FLT1: variants seen among roughly 807,000 people sequenced by gnomAD.
FLT1 encodes the protein fms related receptor tyrosine kinase 1.
A neutral mutation model predicts 156.3 loss-of-function variants in FLT1; 49 were observed. That is an observed-to-expected ratio of 0.31 (90% confidence interval 0.25 to 0.40). The LOEUF is 0.40. Ranked by LOEUF, FLT1 falls within the 10% of genes least tolerant of loss-of-function variation. FLT1 has a pLI of 1.00. For missense variants in FLT1, 1,322 were observed against 1,637.2 expected, an observed-to-expected ratio of 0.81 and a Z score of 3.32; for synonymous variants, 594 against 583.8, an observed-to-expected ratio of 1.02 and a Z score of -0.25.
chr13:28,467,901 G>T (rs1457450305), intron 1 of FLT1, among the ~76,000 whole-genome samples: 1 of 151,982 alleles, frequency 6.6e-6, no homozygotes, highest in African/African-American at 2.4e-5. Context: ...GATTCATATA[G>T]GTTCAATGAA....
intron 1 of FLT1, among the ~76,000 whole-genome samples, chr13:28,470,517 AAAG>A (rs1734320473): frequency 6.6e-6 from 1 of 152,146 alleles, no homozygotes; most frequent in South Asian, 2.1e-4. Context: ...CCGTCCAGGA[AAAG>A]AAGCAGTTCC....
In FLT1 at chr13:28,325,816, C is replaced by CAAAA. The variant is rs377427677; in HGVS notation, c.2796+1642_2796+1645dup. Among the ~76,000 whole-genome samples, 132 of 70,590 alleles carry CAAAA rather than the reference C, an allele frequency of 1.9e-3. 1 individual carries two copies. Among genetic ancestry groups the CAAAA allele is most frequent in the East Asian group, 4.1e-3 (8 of 1,944 alleles). 46.3% of individuals were successfully genotyped at this position (70,590 alleles called of 152,430 possible). A position where few individuals can be genotyped will look rare whatever the true frequency, so the allele number is the denominator to read the frequency against. Reference sequence around the variant, plus strand: ...ACTGACAGAGAGAGAAACTCTGTCTCAAAAAAAAAAAAAAAAAAAAAAGGT... The same window carrying CAAAA: ...ACTGACAGAGAGAGAAACTCTGTCTCAAAAAAAAAAAAAAAAAAAAAAAAAAGGT... On this transcript the variant is annotated intron_variant, in intron 20 of 29. Coordinates refer to ENST00000282397, the MANE Select transcript of FLT1 (RefSeq NM_002019.4).
chr13:28,417,461 G>A (rs568231758), intron 10 of FLT1, among the ~76,000 whole-genome samples: 12 of 152,120 alleles, frequency 7.9e-5, no homozygotes, highest in Admixed American at 2.6e-4. Flanking sequence ...TGGTCGGCTC[G>A]TTTGGCCAGA....
intron 14 of FLT1, chr13:28,368,702 GC>G: frequency 1.5e-6 from 1 of 660,262 alleles, no homozygotes; most frequent in Non-Finnish European, 2.6e-6. Flanking sequence ...TAGATTGGCA[GC>G]TTTTTTTTTT....
chr13:28,385,473 G>A (rs1407422820), intron 13 of FLT1: 5 of 1,003,802 alleles, frequency 5.0e-6, no homozygotes, highest in Non-Finnish European at 6.0e-6. Context: ...TTTGATTGAT[G>A]TATTTGTGGG....
intron 14 of FLT1, among the ~76,000 whole-genome samples, chr13:28,370,468 A>C (rs1012828221): frequency 6.6e-6 from 1 of 152,214 alleles, no homozygotes; most frequent in African/African-American, 2.4e-5. Context: ...AAGTATAATA[A>C]AAAAATGGAG....
chr13:28,395,731 T>C (rs1356284591), intron 12 of FLT1, among the ~76,000 whole-genome samples: 1 of 152,226 alleles, frequency 6.6e-6, no homozygotes, highest in Non-Finnish European at 1.5e-5. Flanking sequence ...CTAGGATATA[T>C]GTAATTTGAC....
chr13:28,387,002 G>A, intron 13 of FLT1: 1 of 1,040,006 alleles, frequency 9.6e-7, no homozygotes, highest in Non-Finnish European at 1.2e-6. Context: ...TGTTTTTCTA[G>A]CTACAAAGTA....
At chr13:28,307,579 T>G (rs762054934) in intron 28 of FLT1, among the ~76,000 whole-genome samples, 12 of 152,192 alleles carry the variant, frequency 7.9e-5, no homozygotes, top group Non-Finnish European at 8.8e-5. Context: ...CTTCAGCTTA[T>G]TTTTGATGCT....
chr13:28,315,451 T>C (rs1170383709), intron 25 of FLT1, among the ~76,000 whole-genome samples: 3 of 151,962 alleles, frequency 2.0e-5, no homozygotes, highest in Non-Finnish European at 4.4e-5. Flanking sequence ...AGCAACTCAG[T>C]AGGCTGAGGA....
At chr13:28,346,839 T>C (rs923934419) in intron 15 of FLT1, among the ~76,000 whole-genome samples, 9 of 150,038 alleles carry the variant, frequency 6.0e-5, no homozygotes, top group African/African-American at 2.3e-4. Flanking sequence ...TGAGCACTTA[T>C]TATATTCTAA....
intron 27 of FLT1, among the ~76,000 whole-genome samples, chr13:28,310,587 CCTAA>C (rs563479063): frequency 1.4e-4 from 22 of 152,306 alleles, no homozygotes; most frequent in African/African-American, 4.3e-4. Context: ...TTCGTGCACG[CCTAA>C]CTATCAGTCC....
intron 25 of FLT1, among the ~76,000 whole-genome samples, chr13:28,315,567 CA>C (rs1173164904): frequency 2.0e-5 from 3 of 151,914 alleles, no homozygotes; most frequent in African/African-American, 7.3e-5. Context: ...AAAAAACAAA[CA>C]AAAAAACCCA....
intron 14 of FLT1, chr13:28,368,615 G>C: frequency 7.2e-7 from 1 of 1,394,004 alleles, no homozygotes; most frequent in Non-Finnish European, 1.0e-6. Flanking sequence ...TGATGATGAT[G>C]ACAATGGTGA....
intron 1 of FLT1, among the ~76,000 whole-genome samples, chr13:28,485,323 G>C (rs1881090802): frequency 6.6e-6 from 1 of 152,080 alleles, no homozygotes; most frequent in South Asian, 2.1e-4. Flanking sequence ...CAGAATCTTG[G>C]GGTCAGCTGT....
intron 1 of FLT1, among the ~76,000 whole-genome samples, chr13:28,478,783 A>T (rs1342298127): frequency 6.6e-6 from 1 of 152,250 alleles, no homozygotes; most frequent in Non-Finnish European, 1.5e-5. Context: ...GCTGGCAAAC[A>T]GGCAGACAGA....
intron 3 of FLT1, among the ~76,000 whole-genome samples, chr13:28,458,723 TAA>T (rs890092178): frequency 6.6e-6 from 1 of 152,204 alleles, no homozygotes; most frequent in African/African-American, 2.4e-5. Context: ...TGTCAGGGCT[TAA>T]AGATATCAAG....
At chr13:28,334,310 C>G (rs148129135) in intron 17 of FLT1, among the ~76,000 whole-genome samples, 181 bp from the exon 18 acceptor site, 1,540 of 152,306 alleles carry the variant, frequency 0.01, 24 homozygotes, top group African/African-American at 0.035. Context: ...CAACTCTTAA[C>G]TCTGTTCCTG....
chr13:28,355,078 C>T (rs775981573), intron 15 of FLT1, among the ~76,000 whole-genome samples: 1 of 152,108 alleles, frequency 6.6e-6, no homozygotes, highest in Non-Finnish European at 1.5e-5. Context: ...TGAAAGAGTG[C>T]TTTTGCTCAA....
Sources: gnomAD v4.1 joint callset for allele counts (sites outside exome capture counted in the v4.1 genomes callset) on GRCh38, gnomAD v4.1.1 for gene constraint, MANE v1.5 for transcripts, NCBI Gene and HGNC (gene_info 2026-07-23, HGNC 2026-07-21) for gene names.